Variants in FAM216A observed in about 807,000 individuals in gnomAD.
FAM216A encodes protein FAM216A.
A neutral mutation model predicts 37.6 loss-of-function variants in FAM216A; 26 were observed. The ratio of observed to expected loss-of-function variants is 0.69; its 90% confidence interval spans 0.51 to 0.96. The LOEUF is 0.96. Among genes scored for constraint, FAM216A ranks in the 40% least tolerant of loss-of-function variants. The pLI, the probability that FAM216A is intolerant of heterozygous loss-of-function variation, is 0.00. For missense variants in FAM216A, 326 were observed against 339.3 expected, an observed-to-expected ratio of 0.96 and a Z score of 0.31; for synonymous variants, 110 against 121.7, an observed-to-expected ratio of 0.90 and a Z score of 0.64.
intron 2 of FAM216A, among the ~76,000 whole-genome samples, chr12:110,478,693 C>T (rs938163776): frequency 3.9e-5 from 6 of 152,132 alleles, no homozygotes; most frequent in Non-Finnish European, 4.4e-5. Context: ...AGGCTCCAGG[C>T]ACCCCAGTCC....
At chr12:110,483,694 T>C (rs1419341845) in intron 2 of FAM216A, among the ~76,000 whole-genome samples, 2 of 152,068 alleles carry the variant, frequency 1.3e-5, no homozygotes, top group Non-Finnish European at 2.9e-5. Flanking sequence ...AGTGCATGCT[T>C]GCAATCCCAG....
chr12:110,474,691 CAAAAAAAAAAA>C (rs34479591), intron 2 of FAM216A, among the ~76,000 whole-genome samples: 3 of 44,850 alleles, frequency 6.7e-5, no homozygotes, highest in Admixed American at 3.1e-4. Flanking sequence ...GACTCTGTCT[CAAAAAAAAAAA>C]AAAAAAAAAA....
chr12:110,489,719 A>G (rs79355578), intron 6 of FAM216A, among the ~76,000 whole-genome samples: 3,726 of 152,298 alleles, frequency 0.024, 129 homozygotes, highest in African/African-American at 0.079. Context: ...ATGAAAATGC[A>G]GAGATTCTGA....
intron 1 of FAM216A, among the ~76,000 whole-genome samples, chr12:110,470,103 G>T (rs1431355684): frequency 6.4e-5 from 9 of 140,706 alleles, no homozygotes; most frequent in African/African-American, 7.8e-5. Context: ...CATCCTTTTT[G>T]TTTTTTTTTT....
chr12:110,482,373 C>G (rs1452929243), intron 2 of FAM216A, among the ~76,000 whole-genome samples: 1 of 152,034 alleles, frequency 6.6e-6, no homozygotes, highest in Non-Finnish European at 1.5e-5. Flanking sequence ...CCACCACACC[C>G]GGACGCAAAC....
chr12:110,486,450 G>A lies in FAM216A; in HGVS notation c.432G>A (p.Lys144=). 6.2e-7 allele frequency: 1 copy of A among 1,611,392 alleles called. No individual in the cohort carries two copies. ...ACGTACTTCAGCACAGCTCACAAAAGCCAGGCAGGTGCACCTCCAGTTGTC... is the reference window on the plus strand; with the variant it reads ...ACGTACTTCAGCACAGCTCACAAAAACCAGGCAGGTGCACCTCCAGTTGTC... ...YMHVLQHSSQ[K]PGVLTHHRSR... is the part of the protein sequence containing the mutation. The change falls in exon 4 of 7, where the codon AAG becomes AAA. Residue 144 remains lysine (K), a synonymous_variant. Coordinates refer to ENST00000377673, the MANE Select transcript of FAM216A (RefSeq NM_013300.3).
At chr12:110,469,283 C>T (rs2062664539) in intron 1 of FAM216A, 2 of 391,376 alleles carry the variant, frequency 5.1e-6, no homozygotes, top group African/African-American at 2.1e-5. Flanking sequence ...GCGACAGTCG[C>T]CCGCGTGCAT....
intron 1 of FAM216A, among the ~76,000 whole-genome samples, 174 bp from the exon 2 acceptor site, chr12:110,472,904 A>T (rs1292392884): frequency 1.5e-5 from 2 of 136,486 alleles, no homozygotes; most frequent in African/African-American, 5.5e-5. Flanking sequence ...TGAAACTGGG[A>T]GGCAGAGGTT....
rs1288780405 is a variant in FAM216A at position 110,468,900 on chromosome 12, A to T, written c.25A>T (p.Thr9Ser). 20 of 1,518,524 alleles carry T rather than the reference A, an allele frequency of 1.3e-5. No homozygotes were observed. The highest frequency in any genetic ancestry group is 1.7e-5 in the Non-Finnish European group (19 of 1,135,412). The allele number at this position is 1,518,524 out of a possible 1,614,324, so 94.1% of individuals were successfully genotyped here. A position where few individuals can be genotyped will look rare whatever the true frequency, so the allele number is the denominator to read the frequency against. Reference protein sequence around the residue: MLGQLLPHTARGLGAAEMP... With the variant: MLGQLLPHSARGLGAAEMP... ...GATGCTGGGACAGCTGCTCCCGCAC[A>T]CGGCTCGCGGTCTCGGCGCCGCGGA... Residue 9 changes from threonine (T) to serine (S), a missense_variant, in exon 1 of 7, where the codon ACG becomes TCG. Thr to Ser is a moderately conservative substitution (Grantham distance 58). Transcript: ENST00000377673.
At chr12:110,470,102 TG>T (rs964720573) in intron 1 of FAM216A, among the ~76,000 whole-genome samples, 3 of 148,994 alleles carry the variant, frequency 2.0e-5, no homozygotes, top group Admixed American at 6.7e-5. Context: ...CCATCCTTTT[TG>T]TTTTTTTTTT....
chr12:110,479,424 T>C (rs1029263626), intron 2 of FAM216A, among the ~76,000 whole-genome samples: 5 of 151,754 alleles, frequency 3.3e-5, no homozygotes, highest in African/African-American at 1.2e-4. Flanking sequence ...TATTAATAGG[T>C]AACTCGTCTC....
intron 6 of FAM216A, among the ~76,000 whole-genome samples, chr12:110,489,131 AT>A (rs2062794630): frequency 6.6e-6 from 1 of 152,242 alleles, no homozygotes; most frequent in South Asian, 2.1e-4. Flanking sequence ...GATCAGAAGT[AT>A]TCCTCAGAAC....
chr12:110,487,627 C>A, intron 5 of FAM216A: 1 of 444,332 alleles, frequency 2.3e-6, no homozygotes, highest in Non-Finnish European at 4.0e-6. Context: ...GTTGGTTATG[C>A]ACAGGGGAAT....
In FAM216A at chr12:110,490,142, C is replaced by G; in HGVS notation, c.*5C>G. ...GAACATCTGATGTTAACTTGACAGT[C>G]TTGTCTCGTGTATTGAATTCGTGCC... On this transcript the variant is annotated 3_prime_UTR_variant, in exon 7 of 7. Transcript: ENST00000377673. 7.2e-7 allele frequency: 1 copy of G among 1,385,634 alleles called. No individual in the cohort carries two copies. Among genetic ancestry groups the G allele is most frequent in the Non-Finnish European group, 1.0e-6 (1 of 971,538 alleles). The allele number at this position is 1,385,634 out of a possible 1,614,324, so 85.8% of individuals were successfully genotyped here. A position where few individuals can be genotyped will look rare whatever the true frequency, so the allele number is the denominator to read the frequency against.
At position 110,486,380 on chromosome 12, in the gene FAM216A, A is replaced by G. The variant is rs775999982; in HGVS notation, c.362A>G (p.Tyr121Cys). 1.4e-5 allele frequency: 23 copies of G among 1,613,966 alleles called. No individual in the cohort carries two copies. The East Asian group carries it at 4.7e-4, about 33-fold the overall frequency. Residue 121 changes from tyrosine to cysteine, a missense_variant, in exon 4 of 7, where the codon TAT becomes TGT. Transcript: ENST00000377673. ...KRYLCSIAKI[Y>C]NANYLKMLMK... ...TACCTGTGCAGCATTGCTAAAATCT[A>G]TAATGCAAACTATCTGAAGATGTTA...
intron 1 of FAM216A, among the ~76,000 whole-genome samples, chr12:110,470,775 G>T (rs1010874564): frequency 2.0e-5 from 3 of 151,696 alleles, no homozygotes; most frequent in African/African-American, 7.3e-5. Flanking sequence ...TCCGCCTGTC[G>T]TTCATCTCCA....
In FAM216A at chr12:110,480,028, T is replaced by G. The variant is rs1357134294; in HGVS notation, c.185-5050T>G. 2.7e-5 allele frequency among the ~76,000 whole-genome samples: 3 copies of G among 109,230 alleles called. No homozygotes were observed. The South Asian group carries it at 8.3e-4, about 30-fold the overall frequency. 71.7% of individuals were successfully genotyped at this position (109,230 alleles called of 152,430 possible). On this transcript the variant is annotated intron_variant, in intron 2 of 6. Coordinates refer to ENST00000377673, the MANE Select transcript of FAM216A (RefSeq NM_013300.3). ...TAATATAAAATTTACTATTTTAATC[T>G]TTTTTTTTTTCTTTGAGATGGAGTT...
chr12:110,474,727 C>CG (rs959161720), intron 2 of FAM216A, among the ~76,000 whole-genome samples: 1 of 144,566 alleles, frequency 6.9e-6, no homozygotes, highest in African/African-American at 2.6e-5. Context: ...AAATGCTGGG[C>CG]GCCGTGGCTC....
intron 2 of FAM216A, among the ~76,000 whole-genome samples, chr12:110,483,153 G>A (rs536683025): frequency 4.7e-4 from 72 of 151,832 alleles, no homozygotes; most frequent in Middle Eastern, 3.4e-3. Context: ...GTGAAACGCC[G>A]TCTCTACTAA....
Sources: gnomAD v4.1 joint callset for allele counts (sites outside exome capture counted in the v4.1 genomes callset) on GRCh38, gnomAD v4.1.1 for gene constraint, MANE v1.5 for transcripts, NCBI Gene and HGNC (gene_info 2026-07-23, HGNC 2026-07-21) for gene names.